The following HEATR6 variants were observed in gnomAD, a reference collection of about 807,000 sequenced individuals.
The protein encoded by HEATR6 is HEAT repeat-containing protein 6.
Under a neutral mutation model 132.8 loss-of-function variants are expected in HEATR6, and 106 were observed. The ratio of observed to expected loss-of-function variants is 0.80; its 90% confidence interval spans 0.68 to 0.94. The LOEUF is 0.94. HEATR6 is among the 40% of genes least tolerant of loss of function. The pLI is 0.00. For missense variants in HEATR6, 1,339 were observed against 1,425.1 expected (o/e 0.94, Z 0.97); for synonymous variants, 529 against 537.8 (o/e 0.98, Z 0.23).
chr17:60,056,300 AGTGT>A, intron 12 of HEATR6, 63 bp from the exon 13 acceptor site: 1 of 1,492,274 alleles, frequency 6.7e-7, no homozygotes, highest in East Asian at 2.4e-5. Context: ...TATCCAGAAA[AGTGT>A]TACAATATTT....
At chr17:60,067,189 G>A (rs1189993547) in intron 8 of HEATR6, among the ~76,000 whole-genome samples, 1 of 147,400 alleles carries the variant, frequency 6.8e-6, no homozygotes, top group Non-Finnish European at 1.5e-5. Flanking sequence ...AGAATGGCGT[G>A]AACCCGGGAG....
In HEATR6 at chr17:60,050,894, G is replaced by A. The variant is rs371703643; in HGVS notation, c.2373C>T (p.Ser791=). Residue 791 remains serine, a synonymous_variant, in exon 15 of 20, where the codon AGC becomes AGT. Coordinates refer to ENST00000184956, the MANE Select transcript of HEATR6 (RefSeq NM_022070.5). ...QNSEHPTLQA[S]ACDALSSILP... is the part of the protein sequence containing the mutation. ...AGATGGAAGACAGGGCATCACAGGC[G>A]CTCGCCTGGAGAGTTGGGTGTTCTG... 8.7e-6 allele frequency: 14 copies of A among 1,614,078 alleles called. No individual in the cohort carries two copies. The highest frequency in any genetic ancestry group is 6.7e-5 in the African/African-American group (5 of 74,936).
At chr17:60,064,506 T>C (rs943141838) in intron 9 of HEATR6, 15 of 152,224 alleles carry the variant, frequency 9.9e-5, no homozygotes, top group African/African-American at 2.7e-4. Context: ...AAGAATCTCT[T>C]AAGTACGATC....
At chr17:60,074,104 A>G (rs2083284919) in intron 2 of HEATR6, 1 of 1,258,402 alleles carries the variant, frequency 7.9e-7, no homozygotes, top group Non-Finnish European at 1.0e-6. Flanking sequence ...TCTTTAGTAA[A>G]GTAGAACTTG....
At chr17:60,058,152 A>C (rs1378931039) in intron 11 of HEATR6, among the ~76,000 whole-genome samples, 1 of 152,240 alleles carries the variant, frequency 6.6e-6, no homozygotes, top group African/African-American at 2.4e-5. Context: ...CTGCAAAATA[A>C]CTTGCTGGAA....
chr17:60,070,236 C>A (rs756884091), intron 6 of HEATR6, among the ~76,000 whole-genome samples: 1 of 152,134 alleles, frequency 6.6e-6, no homozygotes, highest in Non-Finnish European at 1.5e-5. Flanking sequence ...CAAGAGAATG[C>A]CACAAGGAAA....
chr17:60,044,966 G>A (rs1207816600), intron 19 of HEATR6, among the ~76,000 whole-genome samples: 2 of 152,212 alleles, frequency 1.3e-5, no homozygotes, highest in Non-Finnish European at 2.9e-5. Context: ...GCTCTTGATA[G>A]CTCTGCTACT....
chr17:60,070,691 G>A lies in HEATR6; in HGVS notation c.801+15C>T, dbSNP rs375338056. The A allele has an allele frequency of 1.1e-5, 15 of 1,427,606 alleles. No individual in the cohort carries two copies. The highest frequency in any genetic ancestry group is 1.5e-5 in the Non-Finnish European group (15 of 1,010,118). The allele number at this position is 1,427,606 out of a possible 1,614,324, so 88.4% of individuals were successfully genotyped here. On this transcript the variant is annotated intron_variant, in intron 6 of 19. Transcript: ENST00000184956. ...GAAACAGGAAAGACAATGATCATAT[G>A]AAGACTTGCCTTACCTTTAGCACAG...
chr17:60,072,762 C>T (rs987060641), intron 4 of HEATR6, among the ~76,000 whole-genome samples: 6 of 152,166 alleles, frequency 3.9e-5, no homozygotes, highest in African/African-American at 9.7e-5. Context: ...CTGTGAGAAT[C>T]GAGGGTGAGC....
At chr17:60,061,229 C>T (rs893423823) in intron 9 of HEATR6, among the ~76,000 whole-genome samples, 7 of 152,076 alleles carry the variant, frequency 4.6e-5, no homozygotes, top group African/African-American at 1.7e-4. Flanking sequence ...AAAGGTTTTC[C>T]CAAAAGCCTT....
At position 60,061,802 on chromosome 17, in the gene HEATR6, T is replaced by A. The variant is rs180782395; in HGVS notation, c.1417-1706A>T. Among the ~76,000 whole-genome samples the A allele has an allele frequency of 2.0e-5, 3 of 152,390 alleles. No homozygotes were observed. The East Asian group carries it at 5.8e-4, about 29-fold the overall frequency. On this transcript the variant is annotated intron_variant, in intron 9 of 19. Transcript: ENST00000184956. ...TGCCCTACGGGCCACAGCTGGCCAA[T>A]CCCTACTAGAGGCTCGTCCGAACTC...
In HEATR6 at chr17:60,059,853, G is replaced by A. The variant is rs750162466; in HGVS notation, c.1623+37C>T. 6.7e-6 allele frequency: 10 copies of A among 1,496,752 alleles called. No individual in the cohort carries two copies. In the African/African-American group the frequency reaches 1.2e-4, roughly 19 times the overall value. 92.7% of individuals were successfully genotyped at this position (1,496,752 alleles called of 1,614,324 possible). On this transcript the variant is annotated intron_variant, in intron 10 of 19. Transcript: ENST00000184956. The stretch of plus-strand genomic sequence containing the variant: ...TAAAACAGTATACAAAATTAAAACA[G>A]AGAAGCCTGCTCTGGAACCCACAGT...
chr17:60,077,281 G>A lies in HEATR6; in HGVS notation c.220-1044C>T, dbSNP rs2083301726. Among the ~76,000 whole-genome samples, 5 of 152,058 alleles carry A rather than the reference G, an allele frequency of 3.3e-5. No individual in the cohort carries two copies. In the South Asian group the frequency reaches 1.0e-3, roughly 32 times the overall value. ...GGATGAGGAGAAATTTGCCAGATAGGGCATCAAAAAACACTGCAAGCAAAG... is the reference window on the plus strand; with the variant it reads ...GGATGAGGAGAAATTTGCCAGATAGAGCATCAAAAAACACTGCAAGCAAAG... On this transcript the variant is annotated intron_variant, in intron 1 of 19. Transcript: ENST00000184956.
Position 60,043,484 on chromosome 17 carries a change from A to T in HEATR6, c.*79T>A. ...TGAACGGATTGTTTCTGCCCCTAAG[A>T]TGAAATCCCACAGATCTTATGCTCA... On this transcript the variant is annotated 3_prime_UTR_variant, in exon 20 of 20. Transcript: ENST00000184956. 1 of 1,177,600 alleles carries T rather than the reference A, an allele frequency of 8.5e-7. No homozygotes were observed. Among genetic ancestry groups the T allele is most frequent in the Non-Finnish European group, 1.2e-6 (1 of 821,228 alleles). 72.9% of individuals were successfully genotyped at this position (1,177,600 alleles called of 1,614,324 possible).
At chr17:60,060,885 A>T (rs7220068) in intron 9 of HEATR6, among the ~76,000 whole-genome samples, 16,010 of 152,214 alleles carry the variant, frequency 0.11, 1,195 homozygotes, top group African/African-American at 0.2. Context: ...GGACAAAAAG[A>T]ACATCTTTGT....
At chr17:60,067,269 C>CAAAAAA in intron 8 of HEATR6, among the ~76,000 whole-genome samples, 165 bp downstream of exon 8, 1 of 61,126 alleles carries the variant, frequency 1.6e-5, no homozygotes, top group Non-Finnish European at 4.0e-5. Flanking sequence ...GACTCCGTCT[C>CAAAAAA]AAAAAAAAAA....
chr17:60,078,268 C>A (rs1406632260), intron 1 of HEATR6, among the ~76,000 whole-genome samples: 1 of 152,148 alleles, frequency 6.6e-6, no homozygotes, highest in Non-Finnish European at 1.5e-5. Flanking sequence ...TGTATTTTTA[C>A]GAGCTTCAGT....
At position 60,072,331 on chromosome 17, in the gene HEATR6, T is replaced by A; in HGVS notation, c.585-2A>T. On this transcript the variant is annotated splice_acceptor_variant, in intron 4 of 19. Transcript: ENST00000184956. LOFTEE classifies it high-confidence loss of function. ...TCCAAATACGGCTGTCCTGGCACAC[T>A]AAACGCATACAGAGAAAACAACTCA... 6.4e-7 allele frequency: 1 copy of A among 1,563,012 alleles called. No homozygotes were observed. The highest frequency in any genetic ancestry group is 8.8e-7 in the Non-Finnish European group (1 of 1,138,346).
chr17:60,050,840 T>C lies in HEATR6; in HGVS notation c.2424+3A>G. 1.9e-6 allele frequency: 3 copies of C among 1,614,096 alleles called. No homozygotes were observed. Among genetic ancestry groups the C allele is most frequent in the East Asian group, 4.5e-5 (2 of 44,886 alleles). ...TAAGGGTGAGAAAACACCCTCACAT[T>C]ACCGGCAGATTGCTGAAGGCCTCTG... On this transcript the variant is annotated splice_donor_region_variant and intron_variant, in intron 15 of 19. Transcript: ENST00000184956.
Sources: allele counts gnomAD v4.1 joint callset (sites outside exome capture counted in the v4.1 genomes callset), GRCh38; gene constraint gnomAD v4.1.1; transcripts MANE v1.5; gene names NCBI Gene and HGNC (gene_info 2026-07-23, HGNC 2026-07-21).